The following ERC2 variants were observed in gnomAD, a reference collection of about 807,000 sequenced individuals.
ERC2 encodes the protein ELKS/RAB6-interacting/CAST family member 2.
A neutral mutation model predicts 114.8 loss-of-function variants in ERC2; 42 were observed. That is an observed-to-expected ratio of 0.37 (90% confidence interval 0.29 to 0.47). ERC2 has a LOEUF of 0.47. Among genes scored for constraint, ERC2 ranks in the 20% least tolerant of loss-of-function variants. ERC2 has a pLI of 0.99. For synonymous variants in ERC2, 454 were observed against 425.5 expected (o/e 1.07, Z -0.82); for missense variants, 939 against 1,150.7 (o/e 0.82, Z 2.66).
At chr3:56,040,552 T>C (rs372864072) in intron 7 of ERC2, among the ~76,000 whole-genome samples, 1 of 143,806 alleles carries the variant, frequency 7.0e-6, no homozygotes, top group East Asian at 2.0e-4. Flanking sequence ...TATATCTATA[T>C]ATGTATATAG....
intron 17 of ERC2, among the ~76,000 whole-genome samples, chr3:55,637,478 T>C (rs764463511): frequency 1.2e-4 from 19 of 152,110 alleles, no homozygotes; most frequent in Non-Finnish European, 2.5e-4. Context: ...ATGAGGGGCT[T>C]GTGTGAAGGC....
At chr3:56,186,892 G>T (rs1027257638) in intron 3 of ERC2, among the ~76,000 whole-genome samples, 1 of 152,132 alleles carries the variant, frequency 6.6e-6, no homozygotes, top group Non-Finnish European at 1.5e-5. Context: ...CAACCCCTGG[G>T]TCACTTACCT....
chr3:55,677,513 AC>A (rs1385204330), intron 17 of ERC2, among the ~76,000 whole-genome samples: 2 of 152,048 alleles, frequency 1.3e-5, no homozygotes, highest in African/African-American at 2.4e-5. Flanking sequence ...CTGATATTCT[AC>A]CCAGGGTTGA....
intron 17 of ERC2, among the ~76,000 whole-genome samples, chr3:55,575,183 T>G: frequency 6.6e-6 from 1 of 152,008 alleles, no homozygotes; most frequent in East Asian, 1.9e-4. Context: ...CCCAGCTAAT[T>G]TTTTGGTATT....
At position 56,296,562 on chromosome 3, in the gene ERC2, C is replaced by T. The variant is rs2055453079; in HGVS notation, c.658-127G>A. ...TAATCATGAGGTCCGGAGGGCCAGC[C>T]ATGAATTCCTCCACGGTGACTTCAG... is the stretch of plus-strand genomic sequence containing the variant. On this transcript the variant is annotated intron_variant, in intron 2 of 17. Coordinates refer to ENST00000288221, the MANE Select transcript of ERC2 (RefSeq NM_015576.3). 4 of 970,010 alleles carry T rather than the reference C, an allele frequency of 4.1e-6. No homozygotes were observed. In the East Asian group the frequency reaches 7.9e-5, roughly 19 times the overall value. 60.1% of individuals were successfully genotyped at this position (970,010 alleles called of 1,614,324 possible).
intron 15 of ERC2, 56 bp from the exon 16 acceptor site, chr3:55,699,568 G>C (rs908910333): frequency 1.9e-6 from 3 of 1,550,816 alleles, no homozygotes; most frequent in African/African-American, 2.7e-5. Context: ...ATCAGTCAAA[G>C]AGATTCAGGG....
intron 1 of ERC2, among the ~76,000 whole-genome samples, chr3:56,467,868 G>A (rs1299420461): frequency 6.6e-6 from 1 of 151,966 alleles, no homozygotes; most frequent in African/African-American, 2.4e-5. Flanking sequence ...CACCCCTCGA[G>A]GCAAGAGGGG....
chr3:55,568,921 G>A (rs922448969), intron 17 of ERC2, among the ~76,000 whole-genome samples: 7 of 152,054 alleles, frequency 4.6e-5, no homozygotes, highest in East Asian at 1.9e-4. Context: ...TCATGAACAC[G>A]TGCTAGGCAC....
rs551156004 is a variant in ERC2, at chr3:55,814,341, G to T, written c.2564+74048C>A. On this transcript the variant is annotated intron_variant, in intron 14 of 17. Transcript: ENST00000288221. ...AAGCCAGTGGTAATATACTCATTTT[G>T]CAGGTAAGAAAACCAAGACGAGTCA... is the stretch of plus-strand genomic sequence containing the variant. Among the ~76,000 whole-genome samples, 4 of 152,244 alleles carry T rather than the reference G, an allele frequency of 2.6e-5. No homozygotes were observed. In the South Asian group the frequency reaches 8.3e-4, roughly 32 times the overall value.
At chr3:56,007,093 T>A (rs919572161) in intron 10 of ERC2, 88 bp downstream of exon 10, 10 of 1,208,216 alleles carry the variant, frequency 8.3e-6, no homozygotes, top group Non-Finnish European at 1.1e-5. Flanking sequence ...GATAAGGGGT[T>A]TGTTTCTTTT....
At chr3:56,154,821 C>G (rs916683459) in intron 4 of ERC2, among the ~76,000 whole-genome samples, 1 of 152,136 alleles carries the variant, frequency 6.6e-6, no homozygotes, top group Non-Finnish European at 1.5e-5. Flanking sequence ...GTGCCTATCA[C>G]AGAGCCTACC....
chr3:56,084,554 C>T (rs1392374319), intron 6 of ERC2, among the ~76,000 whole-genome samples: 7 of 152,050 alleles, frequency 4.6e-5, no homozygotes, highest in African/African-American at 1.7e-4. Context: ...CTGCAGCAAC[C>T]TGGATGGAAC....
chr3:55,552,074 T>C (rs1575561028), intron 17 of ERC2, among the ~76,000 whole-genome samples: 1 of 152,280 alleles, frequency 6.6e-6, no homozygotes, highest in East Asian at 1.9e-4. Flanking sequence ...ACCCCGCACC[T>C]CTAAGAGCTA....
chr3:55,670,319 G>A (rs2061508494), intron 17 of ERC2, among the ~76,000 whole-genome samples: 1 of 152,238 alleles, frequency 6.6e-6, no homozygotes, highest in Non-Finnish European at 1.5e-5. Context: ...GAAATAAGAT[G>A]TGAGAAGAAA....
intron 17 of ERC2, among the ~76,000 whole-genome samples, chr3:55,568,479 T>C (rs992029665): frequency 6.6e-6 from 1 of 152,248 alleles, no homozygotes; most frequent in South Asian, 2.1e-4. Flanking sequence ...CTCACTCTTC[T>C]GGCTGCTCAG....
intron 7 of ERC2, among the ~76,000 whole-genome samples, chr3:56,062,440 A>G (rs545306950): frequency 6.6e-6 from 1 of 152,152 alleles, no homozygotes; most frequent in Non-Finnish European, 1.5e-5. Context: ...AGCAGCATCT[A>G]TGATACCTCT....
intron 3 of ERC2, among the ~76,000 whole-genome samples, chr3:56,213,177 T>C (rs1423904834): frequency 1.3e-5 from 2 of 152,144 alleles, no homozygotes; most frequent in African/African-American, 4.8e-5. Flanking sequence ...TGCAGGACAG[T>C]GGGTGCGGTG....
At chr3:56,393,914 T>C (rs2060214396) in intron 2 of ERC2, among the ~76,000 whole-genome samples, 1 of 151,654 alleles carries the variant, frequency 6.6e-6, no homozygotes, top group Non-Finnish European at 1.5e-5. Context: ...TACTTTTATG[T>C]CTCCTACAAG....
chr3:55,550,908 C>A (rs12635374), intron 17 of ERC2, among the ~76,000 whole-genome samples: 1 of 150,310 alleles, frequency 6.7e-6, no homozygotes, highest in Admixed American at 6.7e-5. Context: ...CCCAGCTACT[C>A]GGGAGGCTGA....
Sources: gnomAD v4.1 joint callset for allele counts (sites outside exome capture counted in the v4.1 genomes callset) on GRCh38, gnomAD v4.1.1 for gene constraint, MANE v1.5 for transcripts, NCBI Gene and HGNC (gene_info 2026-07-23, HGNC 2026-07-21) for gene names.